Variants in MSRA observed in about 807,000 individuals in gnomAD.
MSRA encodes the protein mitochondrial peptide methionine sulfoxide reductase.
A neutral mutation model predicts 31.3 loss-of-function variants in MSRA; 54 were observed. The ratio of observed to expected loss-of-function variants is 1.73; its 90% CI spans 1.39 to 2.17. MSRA has a LOEUF of 2.17. Ranked by LOEUF, MSRA falls within the 30% of genes most tolerant of loss-of-function variation. The pLI, the probability that MSRA is intolerant of heterozygous loss-of-function variation, is 0.00. For missense variants in MSRA, 507 were observed against 300.9 expected, an observed-to-expected ratio of 1.69 and a Z score of -5.07; for synonymous variants, 169 against 116.5, an observed-to-expected ratio of 1.45 and a Z score of -2.90.
At position 10,192,365 on chromosome 8, in the gene MSRA, A is replaced by G. The variant is rs751455828; in HGVS notation, c.143-15468A>G. On this transcript the variant is annotated intron_variant, in intron 1 of 5. Coordinates refer to ENST00000317173, the MANE Select transcript of MSRA (RefSeq NM_012331.5). ...TGAGCCTTTCCAACCAGTGAGCGGT[A>G]GAGTGGATCCTCCCCCTACCAAGCC... 1.8e-4 allele frequency among the ~76,000 whole-genome samples: 28 copies of G among 152,220 alleles called. No homozygotes were observed. In the South Asian group the frequency reaches 2.5e-3, roughly 14 times the overall value.
chr8:10,217,419 A>G (rs1023379614), intron 2 of MSRA, among the ~76,000 whole-genome samples: 6 of 152,246 alleles, frequency 3.9e-5, no homozygotes, highest in African/African-American at 1.4e-4. Context: ...GGTTTAACCC[A>G]GAAGTTAATT....
At chr8:10,286,597 C>T (rs1448456148) in intron 3 of MSRA, among the ~76,000 whole-genome samples, 1 of 152,220 alleles carries the variant, frequency 6.6e-6, no homozygotes, top group Non-Finnish European at 1.5e-5. Flanking sequence ...ATACAAACAT[C>T]CAGTTAGATA....
At chr8:10,399,613 CA>C (rs1807317527) in intron 5 of MSRA, among the ~76,000 whole-genome samples, 2 of 152,324 alleles carry the variant, frequency 1.3e-5, no homozygotes, top group South Asian at 4.1e-4. Flanking sequence ...AGCAGAACCA[CA>C]AGCCAATTCA....
intron 5 of MSRA, among the ~76,000 whole-genome samples, chr8:10,379,489 TG>T (rs1805937273): frequency 6.6e-6 from 1 of 152,286 alleles, no homozygotes; most frequent in Non-Finnish European, 1.5e-5. Context: ...CCTCGCCCCA[TG>T]CCAGGCCCTC....
chr8:10,318,879 G>C (rs772778398), intron 4 of MSRA, among the ~76,000 whole-genome samples: 8 of 152,278 alleles, frequency 5.3e-5, no homozygotes, highest in Non-Finnish European at 1.0e-4. Context: ...CTGGGTTACA[G>C]CTGCTTTTGC....
intron 5 of MSRA, among the ~76,000 whole-genome samples, chr8:10,360,434 T>C (rs1585580508): frequency 6.6e-6 from 1 of 152,360 alleles, no homozygotes; most frequent in East Asian, 1.9e-4. Flanking sequence ...GTAAATGTTG[T>C]CTGTGAGTTG....
intron 1 of MSRA, among the ~76,000 whole-genome samples, chr8:10,141,821 C>G (rs75521334): frequency 9.4e-4 from 143 of 151,914 alleles, no homozygotes; most frequent in African/African-American, 3.4e-3. Context: ...AGGTTTTTTG[C>G]CAGGTGAAAA....
chr8:10,057,242 T>C (rs1460914993), intron 1 of MSRA, among the ~76,000 whole-genome samples: 1 of 152,188 alleles, frequency 6.6e-6, no homozygotes, highest in Non-Finnish European at 1.5e-5. Flanking sequence ...ATCTGGGCAG[T>C]GCTGGCTGGC....
intron 5 of MSRA, among the ~76,000 whole-genome samples, chr8:10,327,413 C>A (rs1802422782): frequency 6.6e-6 from 1 of 152,040 alleles, no homozygotes; most frequent in African/African-American, 2.4e-5. Flanking sequence ...AGAAAAGTTC[C>A]CAAAGTGAAA....
rs1563342333 is a variant in MSRA, at chr8:10,316,526, C to CT, written c.437-3357_437-3356insT. On this transcript the variant is annotated intron_variant, in intron 4 of 5. Transcript: ENST00000317173. ...TAGGATTGTTAGCTACTTTGATGAT[C>CT]CCTCTCTCTCTCTCTCTCTCTCTCT... Among the ~76,000 whole-genome samples, 472 of 101,366 alleles carry CT rather than the reference C, an allele frequency of 4.7e-3. 5 individuals are homozygous for CT. Among genetic ancestry groups the CT allele is most frequent in the African/African-American group, 0.017 (417 of 24,000 alleles). The allele number at this position is 101,366 out of a possible 152,430, so 66.5% of individuals were successfully genotyped here.
chr8:10,124,133 A>G (rs1224230203), intron 1 of MSRA, among the ~76,000 whole-genome samples: 8 of 152,134 alleles, frequency 5.3e-5, no homozygotes, highest in African/African-American at 1.4e-4. Flanking sequence ...ATCAGAAGAC[A>G]TCTAGAAACA....
At chr8:10,390,598 C>A (rs1806681053) in intron 5 of MSRA, among the ~76,000 whole-genome samples, 1 of 152,072 alleles carries the variant, frequency 6.6e-6, no homozygotes, top group Admixed American at 6.5e-5. Context: ...TGATTTGGGG[C>A]ATTTTTTCGA....
At chr8:10,126,715 T>C (rs1801524516) in intron 1 of MSRA, among the ~76,000 whole-genome samples, 2 of 152,200 alleles carry the variant, frequency 1.3e-5, no homozygotes, top group Non-Finnish European at 2.9e-5. Context: ...GATTTTGCCA[T>C]GTTGGCCAGG....
At chr8:10,288,582 C>G (rs553669863) in intron 3 of MSRA, among the ~76,000 whole-genome samples, 2 of 152,128 alleles carry the variant, frequency 1.3e-5, no homozygotes, top group Non-Finnish European at 2.9e-5. Flanking sequence ...GCTTTTGGCA[C>G]TGTCTAGGAG....
chr8:10,244,320 T>C (rs748825824), intron 2 of MSRA, among the ~76,000 whole-genome samples: 4 of 152,208 alleles, frequency 2.6e-5, no homozygotes, highest in Non-Finnish European at 5.9e-5. Flanking sequence ...AGGAAGTGCA[T>C]GGCAACATTT....
At chr8:10,148,646 TAA>T (rs887968632) in intron 1 of MSRA, among the ~76,000 whole-genome samples, 1 of 138,738 alleles carries the variant, frequency 7.2e-6, no homozygotes. Flanking sequence ...GACTTCATCT[TAA>T]AAAAAAAAAA....
chr8:10,075,175 A>C (rs1797940869), intron 1 of MSRA, among the ~76,000 whole-genome samples: 1 of 152,208 alleles, frequency 6.6e-6, no homozygotes, highest in Non-Finnish European at 1.5e-5. Context: ...TTGCAAATTT[A>C]ATGAGAGCTT....
intron 1 of MSRA, among the ~76,000 whole-genome samples, chr8:10,137,265 G>T (rs553172813): frequency 6.6e-6 from 1 of 152,172 alleles, no homozygotes; most frequent in African/African-American, 2.4e-5. Context: ...TAAAAAATTG[G>T]TTTTCTGCAT....
chr8:10,416,858 T>C (rs538617619), intron 5 of MSRA, among the ~76,000 whole-genome samples: 22 of 152,316 alleles, frequency 1.4e-4, no homozygotes, highest in Admixed American at 7.2e-4. Flanking sequence ...CCTCTCCTTC[T>C]CCATCCTCCC....
Sources: gnomAD v4.1 joint callset for allele counts (sites outside exome capture counted in the v4.1 genomes callset) on GRCh38, gnomAD v4.1.1 for gene constraint, MANE v1.5 for transcripts, NCBI Gene and HGNC (gene_info 2026-07-23, HGNC 2026-07-21) for gene names.